Variants in LRRIQ1 observed in about 807,000 individuals in gnomAD.
The protein encoded by LRRIQ1 is leucine rich repeats and IQ motif containing 1.
In LRRIQ1, 210 loss-of-function variants were observed where a neutral mutation model predicts 211.9. The ratio of observed to expected loss-of-function variants is 0.99; its 90% CI spans 0.89 to 1.11. The LOEUF is 1.11. LRRIQ1 is among the 50% of genes most tolerant of loss of function. The pLI, the probability that LRRIQ1 is intolerant of heterozygous loss-of-function variation, is 0.00. For synonymous variants in LRRIQ1, 699 were observed against 650.1 expected (o/e 1.08, Z -1.14); for missense variants, 2,136 against 1,939.5 (o/e 1.10, Z -1.90).
intron 7 of LRRIQ1, 135 bp downstream of exon 7, chr12:85,052,386 T>A (rs1027156347): frequency 2.2e-6 from 1 of 454,612 alleles, no homozygotes; most frequent in African/African-American, 2.0e-5. Flanking sequence ...ATTAAAAATT[T>A]ATTAATCCTC....
downstream of LRRIQ1, among the ~76,000 whole-genome samples, chr12:85,268,459 A>G (rs932429912): frequency 6.6e-6 from 1 of 152,000 alleles, no homozygotes; most frequent in Non-Finnish European, 1.5e-5. Context: ...CCCAAAGTGG[A>G]TGCCAGATAA....
At chr12:85,157,830 G>A (rs1329005066) in intron 23 of LRRIQ1, among the ~76,000 whole-genome samples, 1 of 151,672 alleles carries the variant, frequency 6.6e-6, no homozygotes, top group African/African-American at 2.4e-5. Context: ...AACATAGTAC[G>A]AAGACCTAAC....
At chr12:85,235,558 G>C (rs1418203537) in intron 26 of LRRIQ1, among the ~76,000 whole-genome samples, 1 of 152,186 alleles carries the variant, frequency 6.6e-6, no homozygotes. Context: ...CTCCTCAGGA[G>C]AAAGTATGAC....
At chr12:85,156,976 C>T (rs376096344) in intron 23 of LRRIQ1, among the ~76,000 whole-genome samples, 5 of 151,814 alleles carry the variant, frequency 3.3e-5, no homozygotes, top group Non-Finnish European at 5.9e-5. Context: ...AACCTTAGAG[C>T]GCTCAGTAGC....
intron 24 of LRRIQ1, among the ~76,000 whole-genome samples, chr12:85,217,494 ATATATATATATATATGTGTGTGTG>A (rs1326319337): frequency 1.4e-5 from 1 of 72,262 alleles, no homozygotes; most frequent in African/African-American, 9.9e-5. Flanking sequence ...ATATATATGT[ATATATATATATATATGTGTGTGTG>A]TGTGTGTGTG....
At position 85,244,970 on chromosome 12, in the gene LRRIQ1, T is replaced by C; in HGVS notation, c.*29T>C. The stretch of plus-strand genomic sequence containing the variant: ...TCACAAACGAATTGATGGAACCTAA[T>C]GCCAACAAGCATTCTTTTTCAGATA... On this transcript the variant is annotated 3_prime_UTR_variant, in exon 27 of 27. Coordinates refer to ENST00000393217, the MANE Select transcript of LRRIQ1 (RefSeq NM_001079910.2). 1 of 1,603,090 alleles carries C rather than the reference T, an allele frequency of 6.2e-7. No individual in the cohort carries two copies. Among genetic ancestry groups the C allele is most frequent in the Non-Finnish European group, 8.5e-7 (1 of 1,173,338 alleles).
At chr12:85,190,390 T>C (rs1892447790) in intron 24 of LRRIQ1, among the ~76,000 whole-genome samples, 1 of 146,640 alleles carries the variant, frequency 6.8e-6, no homozygotes. Flanking sequence ...ACAGTTAATG[T>C]ATATCATTAA....
At chr12:85,205,511 A>G (rs1893498986) in intron 24 of LRRIQ1, among the ~76,000 whole-genome samples, 1 of 151,610 alleles carries the variant, frequency 6.6e-6, no homozygotes, top group Admixed American at 6.6e-5. Flanking sequence ...CCTGCCCTTC[A>G]CTCTATCTGC....
chr12:85,068,990 G>A (rs1160823174), intron 10 of LRRIQ1, among the ~76,000 whole-genome samples: 1 of 151,266 alleles, frequency 6.6e-6, no homozygotes, highest in Non-Finnish European at 1.5e-5. Context: ...TGCACAACGT[G>A]CAGGTTTGTT....
intron 24 of LRRIQ1, among the ~76,000 whole-genome samples, chr12:85,184,161 C>T (rs904680114): frequency 1.5e-4 from 23 of 151,964 alleles, no homozygotes; most frequent in Admixed American, 3.3e-4. Context: ...GAAGACAGTT[C>T]GACTGAAATT....
At chr12:85,140,293 A>C (rs1312505813) in intron 19 of LRRIQ1, among the ~76,000 whole-genome samples, 1 of 151,292 alleles carries the variant, frequency 6.6e-6, no homozygotes, top group Non-Finnish European at 1.5e-5. Context: ...CTGATGTGTT[A>C]GTACTGACTA....
chr12:85,246,395 A>G (rs1895718937), downstream of LRRIQ1, among the ~76,000 whole-genome samples: 2 of 151,476 alleles, frequency 1.3e-5, no homozygotes, highest in South Asian at 4.1e-4. Context: ...CGCATTGCAT[A>G]TTACAAACTC....
chr12:85,249,748 T>C (rs1401423156), downstream of LRRIQ1, among the ~76,000 whole-genome samples: 2 of 151,958 alleles, frequency 1.3e-5, no homozygotes. Context: ...AAACATTTTC[T>C]TTAACATTCA....
chr12:85,113,655 A>T (rs1887346282), intron 15 of LRRIQ1, among the ~76,000 whole-genome samples: 1 of 152,066 alleles, frequency 6.6e-6, no homozygotes, highest in African/African-American at 2.4e-5. Flanking sequence ...TATTGAACTC[A>T]TTTAATTTTA....
chr12:85,181,745 A>G (rs963685714), intron 24 of LRRIQ1, among the ~76,000 whole-genome samples: 2 of 152,016 alleles, frequency 1.3e-5, no homozygotes, highest in South Asian at 2.1e-4. Flanking sequence ...CTACTCTCCT[A>G]TCTCATTGTG....
intron 8 of LRRIQ1, among the ~76,000 whole-genome samples, chr12:85,064,846 A>G (rs979185094): frequency 6.6e-6 from 1 of 151,596 alleles, no homozygotes; most frequent in African/African-American, 2.4e-5. Context: ...TAGATGTATG[A>G]ATTTGTTTTT....
At chr12:85,162,746 G>A (rs1016185915) in intron 24 of LRRIQ1, 2 of 455,726 alleles carry the variant, frequency 4.4e-6, no homozygotes, top group African/African-American at 2.0e-5. Flanking sequence ...CTATGATTTT[G>A]TTTTCTTTCC....
In LRRIQ1 at chr12:85,250,977, T is replaced by TATAGATTATATATTATATTATATATA; in HGVS notation, c.121+6072_121+6097dup. 2.6e-5 allele frequency among the ~76,000 whole-genome samples: 3 copies of TATAGATTATATATTATATTATATATA among 115,510 alleles called. No homozygotes were observed. The South Asian group carries it at 7.0e-4, about 27-fold the overall frequency. 75.8% of individuals were successfully genotyped at this position (115,510 alleles called of 152,430 possible). A position where few individuals can be genotyped will look rare whatever the true frequency, so the allele number is the denominator to read the frequency against. On this transcript the variant is annotated intron_variant, in intron 1 of 1. Transcript: ENST00000602731. ...ATATTATATATTATATTATATATATTATAGATTATATATTATATTATATAT... is the reference window on the plus strand; with the variant it reads ...ATATTATATATTATATTATATATATTATAGATTATATATTATATTATATATAATAGATTATATATTATATTATATAT...
At chr12:85,138,834 A>G (rs1254114112) in intron 19 of LRRIQ1, among the ~76,000 whole-genome samples, 1 of 151,600 alleles carries the variant, frequency 6.6e-6, no homozygotes, top group Non-Finnish European at 1.5e-5. Flanking sequence ...CTATATGACC[A>G]TCATTTTTCC....
Sources: allele counts gnomAD v4.1 joint callset (sites outside exome capture counted in the v4.1 genomes callset), GRCh38; gene constraint gnomAD v4.1.1; transcripts MANE v1.5; gene names NCBI Gene and HGNC (gene_info 2026-07-23, HGNC 2026-07-21).